The following AXDND1 variants were observed in gnomAD, a reference collection of about 807,000 sequenced individuals.
AXDND1 encodes axonemal dynein light chain domain containing 1, also known as axonemal dynein light chain domain-containing protein 1.
Under a neutral mutation model 137.5 loss-of-function variants are expected in AXDND1, and 110 were observed. The ratio of observed to expected loss-of-function variants is 0.80; its 90% CI spans 0.69 to 0.94. The LOEUF (loss-of-function observed/expected upper bound fraction) is 0.94. Among genes scored for constraint, AXDND1 ranks in the 40% least tolerant of loss-of-function variants. The pLI is 0.00. For synonymous variants in AXDND1, 414 were observed against 399.7 expected (o/e 1.04, Z -0.43); for missense variants, 1,191 against 1,169.8 (o/e 1.02, Z -0.26).
rs1395790687 is a variant in AXDND1, at chr1:179,534,878, G to T, written c.2947G>T (p.Glu983Ter). 1 of 1,605,404 alleles carries T rather than the reference G, an allele frequency of 6.2e-7. No individual in the cohort carries two copies. The highest frequency in any genetic ancestry group is 1.7e-5 in the Admixed American group (1 of 58,132). ...ESKEEKENQD[E>*]REVKEEEEQQ... Reference sequence around the variant, plus strand: ...TAAAGAAGAGAAAGAAAATCAAGATGAAAGAGAAGTAAAAGAAGAAGAAGA... The same window carrying T: ...TAAAGAAGAGAAAGAAAATCAAGATTAAAGAGAAGTAAAAGAAGAAGAAGA... The change falls in exon 25 of 26, where the codon GAA becomes TAA. Residue 983 changes from glutamate (E) to a stop codon, truncating the protein, a stop_gained. Coordinates refer to ENST00000367618, the MANE Select transcript of AXDND1 (RefSeq NM_144696.6). LOFTEE classifies it high-confidence loss of function.
rs534120807 is a variant in AXDND1 at position 179,459,857 on chromosome 1, T to A, written c.1799-8586T>A. Among the ~76,000 whole-genome samples, 80 of 149,084 alleles carry A rather than the reference T, an allele frequency of 5.4e-4. 1 individual carries two copies. The highest frequency in any genetic ancestry group is 5.2e-4 in the Non-Finnish European group (35 of 67,302). ...CTTTTCTTTCCCTTCCTTCCTTCCT[T>A]TCTTTCCTTCCTTTCTTTTCTTTTC... is the stretch of plus-strand genomic sequence containing the variant. On this transcript the variant is annotated intron_variant, in intron 16 of 25. Transcript: ENST00000367618.
chr1:179,532,090 G>T (rs1671089154), intron 23 of AXDND1, among the ~76,000 whole-genome samples: 1 of 152,196 alleles, frequency 6.6e-6, no homozygotes, highest in Non-Finnish European at 1.5e-5. Flanking sequence ...CCCACAACCA[G>T]CATTTCAGAC....
chr1:179,406,945 T>C (rs981869844), intron 11 of AXDND1, among the ~76,000 whole-genome samples: 3 of 152,192 alleles, frequency 2.0e-5, no homozygotes, highest in Admixed American at 2.0e-4. Context: ...TTTCCTCTTA[T>C]TTTATTGTTT....
chr1:179,398,263 G>A (rs751143199), intron 11 of AXDND1, among the ~76,000 whole-genome samples: 1 of 152,110 alleles, frequency 6.6e-6, no homozygotes, highest in African/African-American at 2.4e-5. Context: ...GGGGGCCAAC[G>A]CTCAGCTTCC....
intron 4 of AXDND1, among the ~76,000 whole-genome samples, chr1:179,377,798 G>A (rs1293216543): frequency 6.6e-6 from 1 of 152,162 alleles, no homozygotes; most frequent in Non-Finnish European, 1.5e-5. Context: ...AAATCAAATT[G>A]CAGGACAATT....
At position 179,491,567 on chromosome 1, in the gene AXDND1, G is replaced by A; in HGVS notation, c.2121G>A (p.Gln707=). The A allele has an allele frequency of 1.9e-6, 3 of 1,610,926 alleles. No individual in the cohort carries two copies. The highest frequency in any genetic ancestry group is 2.5e-6 in the Non-Finnish European group (3 of 1,177,168). ...ATGAGTTACATATATCTATGATCCA[G>A]TGGATGGTAAACTTGCTGATTTTAA... ...HMDELHISMI[Q]WMVNLLILMI... Residue 707 remains glutamine (Q), a synonymous_variant, in exon 19 of 26, where the codon CAG becomes CAA. Coordinates refer to ENST00000367618, the MANE Select transcript of AXDND1 (RefSeq NM_144696.6).
At chr1:179,465,487 C>A (rs539931479) in intron 16 of AXDND1, among the ~76,000 whole-genome samples, 2 of 152,194 alleles carry the variant, frequency 1.3e-5, no homozygotes, top group East Asian at 1.9e-4. Context: ...CTGGAAGCCT[C>A]GTCTCAGAGG....
At chr1:179,396,531 C>T (rs1396498509) in intron 11 of AXDND1, among the ~76,000 whole-genome samples, 3 of 151,766 alleles carry the variant, frequency 2.0e-5, no homozygotes, top group Non-Finnish European at 4.4e-5. Flanking sequence ...ACCTGTAGTC[C>T]CAGCTACTTG....
intron 12 of AXDND1, among the ~76,000 whole-genome samples, chr1:179,428,805 T>A (rs1359318918): frequency 2.0e-4 from 30 of 152,262 alleles, no homozygotes; most frequent in Non-Finnish European, 2.9e-5. Flanking sequence ...ACACAATTTT[T>A]AAAAATAAAT....
chr1:179,508,361 A>G (rs1668721376), intron 20 of AXDND1, among the ~76,000 whole-genome samples: 1 of 151,808 alleles, frequency 6.6e-6, no homozygotes, highest in African/African-American at 2.4e-5. Flanking sequence ...GCTAATAATG[A>G]AAGAAATATA....
intron 9 of AXDND1, among the ~76,000 whole-genome samples, chr1:179,390,953 T>G (rs1230444489): frequency 6.6e-6 from 1 of 152,042 alleles, no homozygotes; most frequent in East Asian, 1.9e-4. Context: ...ATTATAGGCA[T>G]GCACCATGAC....
At chr1:179,485,729 C>G (rs1374392801) in intron 18 of AXDND1, among the ~76,000 whole-genome samples, 1 of 121,330 alleles carries the variant, frequency 8.2e-6, no homozygotes, top group Non-Finnish European at 1.8e-5. Context: ...TGTATAGGAA[C>G]AAAGATCATC....
intron 25 of AXDND1, chr1:179,544,686 A>AAG (rs1672488597): frequency 1.3e-5 from 2 of 150,464 alleles, no homozygotes; most frequent in African/African-American, 2.4e-5. Flanking sequence ...AAAAAAAAAA[A>AAG]AAAGAAAAAG....
At chr1:179,488,718 CTCTTTCTT>C in intron 18 of AXDND1, among the ~76,000 whole-genome samples, 1 of 82,712 alleles carries the variant, frequency 1.2e-5, no homozygotes, top group Non-Finnish European at 2.7e-5. Context: ...GTCTCTCTCT[CTCTTTCTT>C]TCTCTCTCTC....
chr1:179,503,283 T>C (rs1360238843), intron 20 of AXDND1, among the ~76,000 whole-genome samples: 2 of 152,072 alleles, frequency 1.3e-5, no homozygotes, highest in Non-Finnish European at 2.9e-5. Flanking sequence ...GTATGACAGA[T>C]CTCACAGTTT....
At chr1:179,494,661 T>G (rs1667268449) in intron 20 of AXDND1, among the ~76,000 whole-genome samples, 1 of 152,014 alleles carries the variant, frequency 6.6e-6, no homozygotes, top group South Asian at 2.1e-4. Context: ...GACATGAACC[T>G]CATGCCCAGT....
chr1:179,411,222 G>A lies in AXDND1; in HGVS notation c.1186G>A (p.Glu396Lys), dbSNP rs1558138941. ...MENDMKKLVAERDIWSSATYE... is the reference protein window; with the variant it reads ...MENDMKKLVAKRDIWSSATYE... ...GAATGATATGAAAAAGTTAGTGGCA[G>A]AAAGAGATATCTGGAGCTCAGCCAC... The change falls in exon 12 of 26, where the codon GAA becomes AAA. Residue 396 changes from glutamate (E) to lysine (K), a missense_variant. Glu to Lys is a moderately conservative substitution (Grantham distance 56, BLOSUM62 1). Transcript: ENST00000367618. 6.2e-7 allele frequency: 1 copy of A among 1,612,894 alleles called. No individual in the cohort carries two copies. Among genetic ancestry groups the A allele is most frequent in the Non-Finnish European group, 8.5e-7 (1 of 1,179,594 alleles).
chr1:179,438,254 A>G (rs760956403), intron 15 of AXDND1, among the ~76,000 whole-genome samples: 4 of 152,222 alleles, frequency 2.6e-5, no homozygotes, highest in Admixed American at 6.5e-5. Context: ...GGTCCCACAG[A>G]TACTTTGGTT....
rs534236381 is a variant in AXDND1, at chr1:179,525,509, AT to A, written c.2610+66del. The A allele has an allele frequency of 8.4e-5, 124 of 1,484,012 alleles. No individual in the cohort carries two copies. In the East Asian group the frequency reaches 2.9e-3, roughly 35 times the overall value. 91.9% of individuals were successfully genotyped at this position (1,484,012 alleles called of 1,614,324 possible). ...CATACATACATACATACATACATATATTTTAGAGACAGGGTCCTGCCCTGTC... is the reference window on the plus strand; with the variant it reads ...CATACATACATACATACATACATATATTTAGAGACAGGGTCCTGCCCTGTC... On this transcript the variant is annotated intron_variant, in intron 22 of 25. Transcript: ENST00000367618.
Sources: gnomAD v4.1 joint callset for allele counts (sites outside exome capture counted in the v4.1 genomes callset) on GRCh38, gnomAD v4.1.1 for gene constraint, MANE v1.5 for transcripts, NCBI Gene and HGNC (gene_info 2026-07-23, HGNC 2026-07-21) for gene names.